Variants in IKZF3 observed in about 807,000 individuals in gnomAD.
The protein encoded by IKZF3 is IKAROS family zinc finger 3, also known as zinc finger protein Aiolos.
In IKZF3, 10 loss-of-function variants were observed where a neutral mutation model predicts 49.0. The observed-to-expected ratio is 0.20, with a 90% CI of 0.13 to 0.35. The LOEUF (loss-of-function observed/expected upper bound fraction) is 0.35, where lower values mean the gene tolerates loss of function less well. IKZF3 is among the 10% of genes least tolerant of loss of function. The pLI, the probability that IKZF3 is intolerant of heterozygous loss-of-function variation, is 1.00. For synonymous variants in IKZF3, 209 were observed against 228.2 expected, an observed-to-expected ratio of 0.92 and a Z score of 0.76; for missense variants, 498 against 664.8, an observed-to-expected ratio of 0.75 and a Z score of 2.76.
chr17:39,839,534 T>A, intron 1 of IKZF3: 1 of 552,142 alleles, frequency 1.8e-6, no homozygotes, highest in Non-Finnish European at 3.6e-6. Flanking sequence ...TGGTGAGAAG[T>A]GGAGGCAAGC....
intron 3 of IKZF3, among the ~76,000 whole-genome samples, chr17:39,800,918 G>GT (rs1768361998): frequency 1.3e-5 from 2 of 152,322 alleles, no homozygotes; most frequent in South Asian, 4.1e-4. Context: ...AAAATGCTCA[G>GT]TTGGAGAGAA....
At chr17:39,856,003 CAATATAACATGTATATTGTAT>C (rs1362090170) in intron 1 of IKZF3, among the ~76,000 whole-genome samples, 2 of 146,434 alleles carry the variant, frequency 1.4e-5, no homozygotes, top group South Asian at 2.1e-4. Flanking sequence ...TGTATATGTA[CAATATAACATGTATATTGTAT>C]ATGTACAATA....
chr17:39,795,420 A>G (rs2061137111), intron 3 of IKZF3, among the ~76,000 whole-genome samples: 2 of 151,810 alleles, frequency 1.3e-5, no homozygotes, highest in Non-Finnish European at 2.9e-5. Context: ...ATTCTATTTT[A>G]TTTTTTGAGA....
chr17:39,806,403 A>G (rs1458492168), intron 3 of IKZF3, among the ~76,000 whole-genome samples: 1 of 152,242 alleles, frequency 6.6e-6, no homozygotes, highest in African/African-American at 2.4e-5. Context: ...CTAAGGTAAT[A>G]AATAAAATTT....
At chr17:39,849,302 A>T (rs1231885384) in intron 1 of IKZF3, among the ~76,000 whole-genome samples, 2 of 143,728 alleles carry the variant, frequency 1.4e-5, no homozygotes, top group Non-Finnish European at 3.0e-5. Context: ...CAGGTGTGAT[A>T]GCACCTGGAA....
chr17:39,850,714 T>TTA (rs553196378), intron 1 of IKZF3, among the ~76,000 whole-genome samples: 6 of 20,540 alleles, frequency 2.9e-4, no homozygotes, highest in African/African-American at 4.2e-4. Context: ...ATATAATACA[T>TTA]TATATATATA....
intron 3 of IKZF3, among the ~76,000 whole-genome samples, chr17:39,819,216 A>G (rs2061746365): frequency 6.6e-6 from 1 of 152,196 alleles, no homozygotes; most frequent in African/African-American, 2.4e-5. Flanking sequence ...AAACTATCTG[A>G]AAATATAAAA....
At chr17:39,787,523 C>T (rs1019038099) in intron 6 of IKZF3, among the ~76,000 whole-genome samples, 3 of 152,182 alleles carry the variant, frequency 2.0e-5, no homozygotes, top group Non-Finnish European at 4.4e-5. Context: ...TCAATTTTTG[C>T]CATTTTTTGT....
chr17:39,777,793 G>C, intron 6 of IKZF3, 26 bp from the exon 7 acceptor site: 1 of 1,602,490 alleles, frequency 6.2e-7, no homozygotes, highest in Non-Finnish European at 8.5e-7. Flanking sequence ...GTAAAAAGAA[G>C]AGAGAAAAGA....
intron 3 of IKZF3, among the ~76,000 whole-genome samples, chr17:39,800,761 A>C (rs919978317): frequency 4.6e-5 from 7 of 152,178 alleles, no homozygotes; most frequent in Non-Finnish European, 1.0e-4. Context: ...TTATCACATG[A>C]AAGGCTTGTA....
chr17:39,806,325 A>T (rs1205663678), intron 3 of IKZF3, among the ~76,000 whole-genome samples: 1 of 152,256 alleles, frequency 6.6e-6, no homozygotes, highest in Non-Finnish European at 1.5e-5. Context: ...TCATAAATGA[A>T]AATATCCTGC....
At chr17:39,850,922 ATATAT>A (rs1271035145) in intron 1 of IKZF3, among the ~76,000 whole-genome samples, 6 of 135,002 alleles carry the variant, frequency 4.4e-5, no homozygotes, top group Admixed American at 2.4e-4. Context: ...TTATATATAC[ATATAT>A]TATATATACG....
chr17:39,864,075 A>T, intron 1 of IKZF3, 45 bp downstream of exon 1: 4 of 1,612,582 alleles, frequency 2.5e-6, no homozygotes, highest in Non-Finnish European at 3.4e-6. Context: ...GCACAGGTTA[A>T]GTTTCTCAAA....
At chr17:39,778,391 C>G (rs2060644424) in intron 6 of IKZF3, among the ~76,000 whole-genome samples, 1 of 151,930 alleles carries the variant, frequency 6.6e-6, no homozygotes, top group East Asian at 1.9e-4. Flanking sequence ...GTTTCATATG[C>G]TCTTCACATT....
At chr17:39,835,851 T>C (rs759869439) in intron 1 of IKZF3, 48 of 598,844 alleles carry the variant, frequency 8.0e-5, no homozygotes, top group Non-Finnish European at 1.2e-4. Context: ...CATCTCTGTA[T>C]GCTTACTGAT....
In IKZF3 at chr17:39,761,222, T is replaced by C. The variant is rs1313607182; in HGVS notation, c.*4568A>G. ...GTCAGGAACAGCTCACAGTGGGTCA[T>C]AAAGCATAAGATTAGCTGGCTTATC... On this transcript the variant is annotated 3_prime_UTR_variant, in exon 8 of 8. Coordinates refer to ENST00000346872, the MANE Select transcript of IKZF3 (RefSeq NM_012481.5). 1 of 152,202 alleles carries C rather than the reference T, an allele frequency of 6.6e-6. No homozygotes were observed. Among genetic ancestry groups the C allele is most frequent in the Non-Finnish European group, 1.5e-5 (1 of 68,024 alleles). 9.4% of individuals were successfully genotyped at this position (152,202 alleles called of 1,614,324 possible).
At chr17:39,801,965 G>A (rs886396464) in intron 3 of IKZF3, among the ~76,000 whole-genome samples, 1 of 152,002 alleles carries the variant, frequency 6.6e-6, no homozygotes, top group African/African-American at 2.4e-5. Context: ...AGTGGTTCAC[G>A]CCTGTAATCC....
At chr17:39,780,110 G>A (rs975277847) in intron 6 of IKZF3, among the ~76,000 whole-genome samples, 1 of 152,048 alleles carries the variant, frequency 6.6e-6, no homozygotes, top group Non-Finnish European at 1.5e-5. Flanking sequence ...AGACTGAGGT[G>A]GGAGGGTTCC....
intron 1 of IKZF3, among the ~76,000 whole-genome samples, chr17:39,854,212 C>G (rs1380307631): frequency 6.6e-6 from 1 of 150,844 alleles, no homozygotes; most frequent in African/African-American, 2.4e-5. Context: ...GTAAATGCAC[C>G]AGCACAATTA....
Sources: allele counts gnomAD v4.1 joint callset (sites outside exome capture counted in the v4.1 genomes callset), GRCh38; gene constraint gnomAD v4.1.1; transcripts MANE v1.5; gene names NCBI Gene and HGNC (gene_info 2026-07-23, HGNC 2026-07-21).